Variants in IQSEC1 observed in about 807,000 individuals in gnomAD.
The protein encoded by IQSEC1 is IQ motif and SEC7 domain-containing protein 1.
A neutral mutation model predicts 91.0 loss-of-function variants in IQSEC1; 31 were observed. That is an observed-to-expected ratio of 0.34 (90% CI 0.26 to 0.46). The LOEUF (loss-of-function observed/expected upper bound fraction) is 0.46, where lower values mean the gene tolerates loss of function less well. Among genes scored for constraint, IQSEC1 ranks in the 20% least tolerant of loss-of-function variants. IQSEC1 has a pLI of 1.00. For missense variants in IQSEC1, 1,388 were observed against 1,575.6 expected (o/e 0.88, Z 2.02); for synonymous variants, 699 against 662.6 (o/e 1.05, Z -0.84).
At chr3:12,904,870 C>G (rs1694802648) in intron 12 of IQSEC1, among the ~76,000 whole-genome samples, 1 of 152,208 alleles carries the variant, frequency 6.6e-6, no homozygotes, top group Non-Finnish European at 1.5e-5. Context: ...CATAGTGTCC[C>G]CACCTGGAGT....
intron 1 of IQSEC1, among the ~76,000 whole-genome samples, chr3:13,185,137 G>A (rs1693909228): frequency 6.6e-6 from 1 of 152,166 alleles, no homozygotes; most frequent in East Asian, 1.9e-4. Context: ...TGGCTTTTGG[G>A]CAGGGAAACT....
rs1372554461 is a variant in IQSEC1 at position 12,994,014 on chromosome 3, C to G, written c.24-52149G>C. Among the ~76,000 whole-genome samples, 3 of 150,170 alleles carry G rather than the reference C, an allele frequency of 2.0e-5. No individual in the cohort carries two copies. Among genetic ancestry groups the G allele is most frequent in the African/African-American group, 7.3e-5 (3 of 41,152 alleles). On this transcript the variant is annotated intron_variant, in intron 1 of 13. Transcript: ENST00000613206. This position sits in a 1 kb window ranked among gnomAD's most constrained non-coding sequence, Gnocchi z 4.5. ...AGGGCATTCCCGGCTGCAGCCCCAG[C>G]GACCCCCGCCCGGGGCCCCGCACCG... is the stretch of plus-strand genomic sequence containing the variant.
In IQSEC1 at chr3:13,111,590, A is replaced by G. The variant is rs80304796; in HGVS notation, c.302+52514T>C. ...GAATGTTTGTGTTCCTTTAGAATTC[A>G]TATGCTGAAGCCCTAACCCCCAATG... On this transcript the variant is annotated intron_variant, in intron 2 of 15. Coordinates refer to the IQSEC1 transcript ENST00000648114. Among the ~76,000 whole-genome samples, 174 of 152,294 alleles carry G rather than the reference A, an allele frequency of 1.1e-3. 4 individuals are homozygous for G. In the East Asian group the frequency reaches 0.031, roughly 27 times the overall value.
intron 1 of IQSEC1, among the ~76,000 whole-genome samples, chr3:12,944,230 T>G (rs921376961): frequency 1.3e-5 from 2 of 152,154 alleles, no homozygotes; most frequent in African/African-American, 4.8e-5. Flanking sequence ...CACAGCAGCC[T>G]CCTTTGGACC....
intron 1 of IQSEC1, among the ~76,000 whole-genome samples, chr3:13,215,196 G>A (rs191277728): frequency 9.9e-5 from 15 of 152,162 alleles, no homozygotes; most frequent in East Asian, 5.8e-4. Flanking sequence ...CCAAGCCTCC[G>A]CCAGTGGGAT....
rs146107147 is a variant in IQSEC1 at position 12,920,467 on chromosome 3, C to G, written c.1983G>C (p.Arg661=). The G allele has an allele frequency of 1.8e-3, 2,857 of 1,614,226 alleles. 8 individuals are homozygous for G. The highest frequency in any genetic ancestry group is 2.3e-3 in the Non-Finnish European group (2,757 of 1,180,038). ...TGATGAAGTCCTCTAGCTTCATTTT[C>G]CGCTCGGGCTTGACATTGGGGCTGT... is the stretch of plus-strand genomic sequence containing the variant. ...DMYSPNVKPE[R]KMKLEDFIKN... Residue 661 remains arginine (R), a synonymous_variant, in exon 6 of 14, where the codon CGG becomes CGC. Transcript: ENST00000613206.
chr3:13,233,830 T>G (rs1694875041), intron 1 of IQSEC1, among the ~76,000 whole-genome samples: 1 of 152,098 alleles, frequency 6.6e-6, no homozygotes, highest in South Asian at 2.1e-4. Flanking sequence ...TGCTCACATG[T>G]GGTATGGCCT....
intron 1 of IQSEC1, among the ~76,000 whole-genome samples, chr3:13,051,395 G>C (rs897412354): frequency 1.3e-5 from 2 of 152,160 alleles, no homozygotes; most frequent in Non-Finnish European, 2.9e-5. Context: ...AAGTTCAAGA[G>C]CAGGAAAAAG....
rs187128567 is a variant in IQSEC1, at chr3:13,069,630, C to A, written c.23+3362G>T. ...GGCAGTGAATGAATGATTGAACAGG[C>A]ATGGGTAGGCGAGTGCTCCACTGGC... On this transcript the variant is annotated intron_variant, in intron 1 of 13. Transcript: ENST00000613206. Among the ~76,000 whole-genome samples the A allele has an allele frequency of 3.3e-3, 498 of 152,364 alleles. 1 individual carries two copies. The highest frequency in any genetic ancestry group is 6.2e-3 in the Non-Finnish European group (425 of 68,036).
At chr3:12,962,057 G>A (rs965979706) in intron 1 of IQSEC1, among the ~76,000 whole-genome samples, 2 of 152,258 alleles carry the variant, frequency 1.3e-5, no homozygotes, top group Non-Finnish European at 2.9e-5. Context: ...TGTGGAAACT[G>A]AGGCCCAGGG....
intron 1 of IQSEC1, among the ~76,000 whole-genome samples, chr3:13,261,898 G>T (rs17778571): frequency 6.6e-6 from 1 of 152,144 alleles, no homozygotes; most frequent in Non-Finnish European, 1.5e-5. Context: ...CCGTGCTCTG[G>T]GATTTTATGG....
chr3:13,252,266 A>G (rs1695208001), intron 1 of IQSEC1, among the ~76,000 whole-genome samples: 1 of 152,062 alleles, frequency 6.6e-6, no homozygotes, highest in Non-Finnish European at 1.5e-5. Flanking sequence ...TGACTACTCC[A>G]GGACACTCTT....
At chr3:13,224,650 C>T (rs1431830564) in intron 1 of IQSEC1, among the ~76,000 whole-genome samples, 1 of 152,200 alleles carries the variant, frequency 6.6e-6, no homozygotes, top group Non-Finnish European at 1.5e-5. Context: ...GGCCACCGCC[C>T]ACCAAGATGG....
At chr3:13,206,649 A>T (rs1694351142) in intron 1 of IQSEC1, among the ~76,000 whole-genome samples, 1 of 152,222 alleles carries the variant, frequency 6.6e-6, no homozygotes, top group Non-Finnish European at 1.5e-5. Flanking sequence ...GCATTATATA[A>T]CAAAGCAAAC....
At chr3:13,132,744 T>C (rs964232788) in intron 2 of IQSEC1, among the ~76,000 whole-genome samples, 1 of 152,252 alleles carries the variant, frequency 6.6e-6, no homozygotes, top group African/African-American at 2.4e-5. Flanking sequence ...CTTGTCCATG[T>C]GGATGTTTCA....
At chr3:13,064,625 T>C (rs1705174332) in intron 1 of IQSEC1, among the ~76,000 whole-genome samples, 1 of 152,230 alleles carries the variant, frequency 6.6e-6, no homozygotes, top group African/African-American at 2.4e-5. Context: ...AGCTCTTGGC[T>C]GAGCTCCGAA....
chr3:13,242,182 G>A (rs1282881330), intron 1 of IQSEC1, among the ~76,000 whole-genome samples: 2 of 152,194 alleles, frequency 1.3e-5, no homozygotes, highest in Non-Finnish European at 2.9e-5. Context: ...AAGAAATGCT[G>A]GAGGAAGTAA....
intron 1 of IQSEC1, among the ~76,000 whole-genome samples, chr3:13,010,577 G>A (rs2124906852): frequency 6.6e-6 from 1 of 152,294 alleles, no homozygotes; most frequent in African/African-American, 2.4e-5. Flanking sequence ...CCGGCGTCTG[G>A]GGTCATGGTT....
chr3:13,244,571 T>C (rs1363118789), intron 1 of IQSEC1, among the ~76,000 whole-genome samples: 1 of 152,166 alleles, frequency 6.6e-6, no homozygotes, highest in Admixed American at 6.5e-5. Context: ...GAGAGTGGAC[T>C]AGTCTATTGA....
Sources: gnomAD v4.1 joint callset for allele counts (sites outside exome capture counted in the v4.1 genomes callset) on GRCh38, gnomAD v4.1.1 for gene constraint, Gnocchi (gnomAD v3.1) non-coding constraint, MANE v1.5 for transcripts, NCBI Gene and HGNC (gene_info 2026-07-23, HGNC 2026-07-21) for gene names.